CSMD3: variants seen among roughly 807,000 people sequenced by gnomAD.
CSMD3 encodes CUB and sushi domain-containing protein 3.
A neutral mutation model predicts 435.2 loss-of-function variants in CSMD3; 177 were observed. The ratio of observed to expected loss-of-function variants is 0.41; its 90% CI spans 0.36 to 0.46. CSMD3 has a LOEUF of 0.46. Ranked by LOEUF, CSMD3 falls within the 20% of genes least tolerant of loss-of-function variation. The pLI, the probability that CSMD3 is intolerant of heterozygous loss-of-function variation, is 0.34. For missense variants in CSMD3, 4,265 were observed against 4,504.6 expected (o/e 0.95, Z 1.52); for synonymous variants, 1,656 against 1,520.5 (o/e 1.09, Z -2.07).
chr8:113,098,373 T>TC (rs2090226670), intron 5 of CSMD3, among the ~76,000 whole-genome samples: 1 of 152,024 alleles, frequency 6.6e-6, no homozygotes, highest in Non-Finnish European at 1.5e-5. Context: ...CAAACCATAT[T>TC]CCCCCAGATG....
chr8:112,386,156 G>A (rs1484958802), intron 36 of CSMD3, among the ~76,000 whole-genome samples: 1 of 152,140 alleles, frequency 6.6e-6, no homozygotes, highest in Non-Finnish European at 1.5e-5. Context: ...CCTGAAGTGG[G>A]CAGGGACGAG....
chr8:112,898,257 CCTT>C (rs1443050242), intron 10 of CSMD3, among the ~76,000 whole-genome samples: 1 of 151,058 alleles, frequency 6.6e-6, no homozygotes, highest in Non-Finnish European at 1.5e-5. Context: ...CAAAGAATGT[CCTT>C]CTTATGCCTG....
At chr8:112,714,030 C>G (rs1006398819) in intron 13 of CSMD3, among the ~76,000 whole-genome samples, 3 of 152,124 alleles carry the variant, frequency 2.0e-5, no homozygotes, top group African/African-American at 7.2e-5. Context: ...GGCAAAATAA[C>G]CAGACAGCAT....
chr8:113,061,284 A>G (rs984724544), intron 5 of CSMD3, among the ~76,000 whole-genome samples: 1 of 152,168 alleles, frequency 6.6e-6, no homozygotes, highest in Non-Finnish European at 1.5e-5. Context: ...GGGTTCTGCT[A>G]TATAGGAAAA....
intron 54 of CSMD3, 54 bp from the exon 55 acceptor site, chr8:112,292,764 G>A (rs1044126733): frequency 1.0e-5 from 15 of 1,453,804 alleles, no homozygotes; most frequent in Middle Eastern, 1.8e-4. Context: ...AAAATATTTA[G>A]TTATCAGTTA....
intron 24 of CSMD3, among the ~76,000 whole-genome samples, chr8:112,568,770 A>C (rs2602172): frequency 0.046 from 7,070 of 152,120 alleles, 254 homozygotes; most frequent in East Asian, 0.15. Context: ...CTTTATAAAC[A>C]CCCAAGAGTT....
At chr8:112,843,162 G>C (rs1384259324) in intron 11 of CSMD3, among the ~76,000 whole-genome samples, 1 of 151,726 alleles carries the variant, frequency 6.6e-6, no homozygotes, top group Non-Finnish European at 1.5e-5. Flanking sequence ...TTGATTAGAA[G>C]AATGATGATC....
At chr8:112,558,167 C>T (rs2131233419) in intron 24 of CSMD3, among the ~76,000 whole-genome samples, 1 of 151,892 alleles carries the variant, frequency 6.6e-6, no homozygotes, top group East Asian at 2.0e-4. Context: ...CCTTCTGCCA[C>T]TTTCTCTCTC....
At chr8:112,331,239 T>A (rs1031051457) in intron 45 of CSMD3, among the ~76,000 whole-genome samples, 4 of 152,128 alleles carry the variant, frequency 2.6e-5, no homozygotes, top group Middle Eastern at 3.4e-3. Context: ...GGACTGAATA[T>A]TATTATTAAT....
chr8:112,287,016 C>T (rs1819272379), intron 58 of CSMD3, 48 bp downstream of exon 58: 4 of 1,441,384 alleles, frequency 2.8e-6, no homozygotes, highest in Non-Finnish European at 2.9e-6. Flanking sequence ...TTTAGATACA[C>T]ACTAAAATCC....
At chr8:113,302,574 C>G (rs150211122) in intron 2 of CSMD3, among the ~76,000 whole-genome samples, 1 of 151,416 alleles carries the variant, frequency 6.6e-6, no homozygotes, top group Middle Eastern at 3.2e-3. Context: ...TTACTAAAAA[C>G]ATTTACATTT....
At chr8:112,666,991 T>C (rs1264482006) in intron 16 of CSMD3, among the ~76,000 whole-genome samples, 5 of 152,168 alleles carry the variant, frequency 3.3e-5, no homozygotes, top group Non-Finnish European at 7.3e-5. Flanking sequence ...AGATTTGTAT[T>C]TTGATCTCTT....
In CSMD3 at chr8:112,234,437, T is replaced by C. The variant is rs1374090412; in HGVS notation, c.10668A>G (p.Ile3556Met). Residue 3556 changes from isoleucine to methionine, a missense_variant, in exon 68 of 71, where the codon ATA becomes ATG. Transcript: ENST00000297405. ...CATGAGCAGGTACTTTAATAAGATA[T>C]ATGCGTAACATTAGGCGAGCTTCCT... ...KSQEARLMLR[I>M]YLIKVPAHAS... 23 of 1,613,474 alleles carry C rather than the reference T, an allele frequency of 1.4e-5. No individual in the cohort carries two copies. The highest frequency in any genetic ancestry group is 1.9e-5 in the Non-Finnish European group (22 of 1,179,654).
At chr8:112,495,741 A>T (rs1176625358) in intron 30 of CSMD3, among the ~76,000 whole-genome samples, 1 of 152,150 alleles carries the variant, frequency 6.6e-6, no homozygotes. Context: ...ATTTTTATGC[A>T]TAATTAATTT....
chr8:112,441,549 G>A (rs952405807), intron 32 of CSMD3, among the ~76,000 whole-genome samples: 3 of 152,164 alleles, frequency 2.0e-5, no homozygotes, highest in South Asian at 4.1e-4. Context: ...CCAATTTACT[G>A]TATTAGTCCA....
In CSMD3 at chr8:112,337,315, A is replaced by T. The variant is rs1031029709; in HGVS notation, c.6841+228T>A. ...TCCCCACACACATAAGAAAAGCTCT[A>T]AAGTGTGAATCAACTATTTTTTCAC... On this transcript the variant is annotated intron_variant, in intron 43 of 70. Transcript: ENST00000297405. Among the ~76,000 whole-genome samples the T allele has an allele frequency of 5.9e-5, 9 of 152,148 alleles. 1 individual carries two copies. The highest frequency in any genetic ancestry group is 5.2e-4 in the Admixed American group (8 of 15,260).
At chr8:113,246,686 C>T (rs2093279584) in intron 3 of CSMD3, among the ~76,000 whole-genome samples, 1 of 151,972 alleles carries the variant, frequency 6.6e-6, no homozygotes. Context: ...ACAAATGTAG[C>T]ATGTTTTGTC....
intron 5 of CSMD3, among the ~76,000 whole-genome samples, chr8:113,071,320 A>C (rs950988264): frequency 6.6e-6 from 1 of 151,950 alleles, no homozygotes; most frequent in Non-Finnish European, 1.5e-5. Flanking sequence ...GAGGTGCAGA[A>C]ACTTCAGTTT....
At chr8:112,793,324 GA>G (rs551463701) in intron 13 of CSMD3, among the ~76,000 whole-genome samples, 3 of 148,398 alleles carry the variant, frequency 2.0e-5, no homozygotes, top group South Asian at 2.1e-4. Flanking sequence ...TTCCTTTGCT[GA>G]AAAAAAAAGA....
Sources: allele counts gnomAD v4.1 joint callset (sites outside exome capture counted in the v4.1 genomes callset), GRCh38; gene constraint gnomAD v4.1.1; transcripts MANE v1.5; gene names NCBI Gene and HGNC (gene_info 2026-07-23, HGNC 2026-07-21).